The following PMS1 variants were observed in gnomAD, a reference collection of about 807,000 sequenced individuals.
The protein encoded by PMS1 is PMS1 homolog 1, mismatch repair system component.
A neutral mutation model predicts 93.1 loss-of-function variants in PMS1; 79 were observed. The observed-to-expected ratio is 0.85, with a 90% CI of 0.71 to 1.02. The LOEUF (loss-of-function observed/expected upper bound fraction) is 1.02. Among genes scored for constraint, PMS1 ranks in the 50% least tolerant of loss-of-function variants. PMS1 has a pLI of 0.00. For synonymous variants in PMS1, 335 were observed against 363.4 expected (o/e 0.92, Z 0.89); for missense variants, 1,064 against 1,085.3 (o/e 0.98, Z 0.28).
chr2:189,864,074 C>T lies in PMS1; in HGVS notation c.2188C>T (p.Leu730Phe). ...GGATGAACCTTGCTTGATCCACAAT[C>T]TCAGGTTTCCTGATGCATGGCTAAT... is the stretch of plus-strand genomic sequence containing the variant. ...EKDEPCLIHN[L>F]RFPDAWLMTS... Residue 730 changes from leucine (L) to phenylalanine (F), a missense_variant, in exon 10 of 13, where the codon CTC (leucine) becomes TTC (phenylalanine). Transcript: ENST00000441310. 6.2e-7 allele frequency: 1 copy of T among 1,613,534 alleles called. No individual in the cohort carries two copies. Among genetic ancestry groups the T allele is most frequent in the Non-Finnish European group, 8.5e-7 (1 of 1,179,610 alleles).
intron 5 of PMS1, among the ~76,000 whole-genome samples, chr2:189,819,255 A>G (rs2051605774): frequency 6.6e-6 from 1 of 152,182 alleles, no homozygotes; most frequent in African/African-American, 2.4e-5. Context: ...TCCACTGTGT[A>G]TACATACACA....
At chr2:189,864,700 A>T (rs1227035872) in intron 10 of PMS1, among the ~76,000 whole-genome samples, 1 of 38,772 alleles carries the variant, frequency 2.6e-5, no homozygotes, top group Non-Finnish European at 4.1e-5. Context: ...ATATATATAT[A>T]TATATATATA....
chr2:189,832,500 C>G (rs908439382), intron 5 of PMS1, among the ~76,000 whole-genome samples: 6 of 152,046 alleles, frequency 3.9e-5, no homozygotes, highest in Non-Finnish European at 7.3e-5. Flanking sequence ...GAGTCTCACT[C>G]TGTCGCCCAG....
intron 6 of PMS1, among the ~76,000 whole-genome samples, chr2:189,844,643 C>CAA (rs752620656): frequency 1.4e-4 from 9 of 62,434 alleles, no homozygotes; most frequent in Admixed American, 1.7e-4. Flanking sequence ...GATTCCATCT[C>CAA]AAAAAAAAAA....
intron 9 of PMS1, among the ~76,000 whole-genome samples, chr2:189,860,200 T>G (rs2055806288): frequency 6.6e-6 from 1 of 152,216 alleles, no homozygotes; most frequent in Admixed American, 6.5e-5. Flanking sequence ...AACATCTCCA[T>G]CATCCCAGAA....
chr2:189,855,009 T>C lies in PMS1; in HGVS notation c.1737T>C (p.Ala579=), dbSNP rs1453279634. Residue 579 remains alanine (A), a synonymous_variant, in exon 9 of 13, where the codon GCT becomes GCC. Transcript: ENST00000441310. The stretch of plus-strand genomic sequence containing the variant: ...TCAAGAAACCCATGTCAGCAAGTGC[T>C]CTTTTTGTTCAAGATCATCGTCCTC... The part of the protein sequence containing the change: ...RVIKKPMSAS[A]LFVQDHRPQF... The C allele has an allele frequency of 1.2e-6, 2 of 1,613,472 alleles. No individual in the cohort carries two copies. The highest frequency in any genetic ancestry group is 2.2e-5 in the East Asian group (1 of 44,824).
chr2:189,789,176 C>G (rs1170593125), intron 1 of PMS1, among the ~76,000 whole-genome samples: 1 of 152,098 alleles, frequency 6.6e-6, no homozygotes, highest in African/African-American at 2.4e-5. Context: ...ACATAATGAT[C>G]TCTTATTATA....
At chr2:189,828,358 A>T (rs933123991) in intron 5 of PMS1, among the ~76,000 whole-genome samples, 5 of 152,266 alleles carry the variant, frequency 3.3e-5, no homozygotes, top group Admixed American at 6.5e-5. Flanking sequence ...GTTTGAAATG[A>T]TAGGGTAATT....
chr2:189,852,679 A>G lies in PMS1; in HGVS notation c.724A>G (p.Lys242Glu). ...GATTTATCTCAGTGGATTTCTTCCA[A>G]AGTGTGATGCAGACCACTCTTTCAC... ...SQIYLSGFLP[K>E]CDADHSFTSL... Residue 242 changes from lysine (K) to glutamate (E), a missense_variant, in exon 7 of 13, where the codon AAG becomes GAG. Lys to Glu is a moderately conservative substitution (Grantham distance 56). Coordinates refer to ENST00000441310, the MANE Select transcript of PMS1 (RefSeq NM_000534.5). 6.2e-7 allele frequency: 1 copy of G among 1,604,664 alleles called. No homozygotes were observed. The highest frequency in any genetic ancestry group is 1.1e-5 in the South Asian group (1 of 90,854).
At chr2:189,787,552 T>G (rs898188751) in intron 1 of PMS1, among the ~76,000 whole-genome samples, 15 of 152,178 alleles carry the variant, frequency 9.9e-5, no homozygotes, top group African/African-American at 3.6e-4. Context: ...TTTGATATTT[T>G]GAATATATTA....
At chr2:189,829,910 C>T (rs139696567) in intron 5 of PMS1, among the ~76,000 whole-genome samples, 1 of 152,282 alleles carries the variant, frequency 6.6e-6, no homozygotes, top group Non-Finnish European at 1.5e-5. Context: ...GTAATAGTAT[C>T]CTAATGGACT....
intron 5 of PMS1, among the ~76,000 whole-genome samples, chr2:189,841,599 C>T (rs1037835546): frequency 3.9e-5 from 6 of 152,012 alleles, no homozygotes; most frequent in Non-Finnish European, 7.4e-5. Flanking sequence ...TCTTATTATA[C>T]GTAATATCAT....
At chr2:189,806,197 G>T (rs1048273086) in intron 4 of PMS1, 2 of 289,728 alleles carry the variant, frequency 6.9e-6, no homozygotes, top group Non-Finnish European at 1.3e-5. Context: ...TGCATAAGAA[G>T]TTACTGTACT....
intron 11 of PMS1, 24 bp downstream of exon 11, chr2:189,867,953 T>C (rs1292605114): frequency 1.3e-6 from 2 of 1,583,994 alleles, no homozygotes; most frequent in Middle Eastern, 1.7e-4. Context: ...GTTTAATATT[T>C]TCTGATGTGG....
intron 4 of PMS1, among the ~76,000 whole-genome samples, chr2:189,811,001 TAAAG>T (rs1386934412): frequency 6.6e-6 from 1 of 151,222 alleles, no homozygotes; most frequent in African/African-American, 2.4e-5. Context: ...AAACTTATGT[TAAAG>T]AATTTAGAAG....
At chr2:189,822,352 G>A (rs1420109319) in intron 5 of PMS1, among the ~76,000 whole-genome samples, 2 of 152,218 alleles carry the variant, frequency 1.3e-5, no homozygotes, top group Non-Finnish European at 2.9e-5. Context: ...GTGGACTGGA[G>A]GCAGAATACA....
At chr2:189,834,184 A>G (rs1377831981) in intron 5 of PMS1, among the ~76,000 whole-genome samples, 1 of 152,242 alleles carries the variant, frequency 6.6e-6, no homozygotes, top group Non-Finnish European at 1.5e-5. Context: ...ATTAGAGTCA[A>G]AAAGGATTAT....
intron 5 of PMS1, among the ~76,000 whole-genome samples, chr2:189,820,549 C>T (rs1028773311): frequency 6.6e-5 from 10 of 152,076 alleles, no homozygotes; most frequent in African/African-American, 2.4e-4. Flanking sequence ...AAGCAATGCA[C>T]CCTCTTCAAG....
chr2:189,864,587 T>A (rs2056385744), intron 10 of PMS1, among the ~76,000 whole-genome samples: 1 of 130,704 alleles, frequency 7.7e-6, no homozygotes, highest in Non-Finnish European at 1.6e-5. Context: ...ACCTGGGAGG[T>A]GGAGGTTGCA....
Sources: allele counts gnomAD v4.1 joint callset (sites outside exome capture counted in the v4.1 genomes callset), GRCh38; gene constraint gnomAD v4.1.1; transcripts MANE v1.5; gene names NCBI Gene and HGNC (gene_info 2026-07-23, HGNC 2026-07-21).